The following ASAP1 variants were observed in gnomAD, a reference collection of about 807,000 sequenced individuals.
ASAP1 encodes ArfGAP with SH3 domain, ankyrin repeat and PH domain 1, also known as arf-GAP with SH3 domain, ANK repeat and PH domain-containing protein 1.
ASAP1 carries 43 observed loss-of-function variants against 145.2 expected under a neutral mutation model. The observed-to-expected ratio is 0.30, with a 90% CI of 0.23 to 0.38. The LOEUF (loss-of-function observed/expected upper bound fraction) is 0.38, where lower values mean the gene tolerates loss of function less well. ASAP1 is among the 10% of genes least tolerant of loss of function. The pLI, the probability that ASAP1 is intolerant of heterozygous loss-of-function variation, is 1.00. For missense variants in ASAP1, 1,018 were observed against 1,355.3 expected, an observed-to-expected ratio of 0.75 and a Z score of 3.91; for synonymous variants, 546 against 515.5, an observed-to-expected ratio of 1.06 and a Z score of -0.80.
chr8:130,334,921 A>C (rs993336651), intron 3 of ASAP1, among the ~76,000 whole-genome samples: 4 of 152,200 alleles, frequency 2.6e-5, no homozygotes, highest in African/African-American at 9.7e-5. Flanking sequence ...ATCCAAATAC[A>C]TATCAGACCT....
chr8:130,233,164 T>C (rs538378816), intron 4 of ASAP1, among the ~76,000 whole-genome samples: 12 of 152,328 alleles, frequency 7.9e-5, no homozygotes, highest in African/African-American at 2.9e-4. Flanking sequence ...GACATGACCA[T>C]GGAAACTACT....
At chr8:130,129,887 T>C (rs2097580495) in intron 15 of ASAP1, among the ~76,000 whole-genome samples, 1 of 152,208 alleles carries the variant, frequency 6.6e-6, no homozygotes, top group Non-Finnish European at 1.5e-5. Flanking sequence ...TTATACCTTT[T>C]AGAAGATTAA....
intron 3 of ASAP1, among the ~76,000 whole-genome samples, chr8:130,297,991 C>T (rs1822390798): frequency 6.6e-6 from 1 of 152,146 alleles, no homozygotes; most frequent in African/African-American, 2.4e-5. Flanking sequence ...GGTTCCAGTC[C>T]CAATTCTCTG....
At chr8:130,429,005 T>A (rs1830047315) in intron 1 of ASAP1, among the ~76,000 whole-genome samples, 13 of 152,192 alleles carry the variant, frequency 8.5e-5, no homozygotes, top group Admixed American at 8.5e-4. Context: ...TGGCTTGTGG[T>A]GGTTGCCAGA....
intron 1 of ASAP1, among the ~76,000 whole-genome samples, chr8:130,427,301 C>G (rs1305519787): frequency 6.6e-6 from 1 of 152,180 alleles, no homozygotes; most frequent in African/African-American, 2.4e-5. Flanking sequence ...TGTCTCACCC[C>G]TTCCTCCCAG....
intron 1 of ASAP1, among the ~76,000 whole-genome samples, chr8:130,404,097 A>C (rs1408741426): frequency 1.3e-5 from 2 of 152,212 alleles, no homozygotes; most frequent in African/African-American, 4.8e-5. Flanking sequence ...AATTTTCTTC[A>C]ATTGTAAGCC....
intron 3 of ASAP1, among the ~76,000 whole-genome samples, chr8:130,279,565 G>T (rs1181753376): frequency 2.0e-5 from 3 of 152,198 alleles, no homozygotes; most frequent in Admixed American, 6.5e-5. Flanking sequence ...TCAAATTCCA[G>T]CTTGGGTGCT....
intron 3 of ASAP1, among the ~76,000 whole-genome samples, chr8:130,293,216 C>T (rs188472817): frequency 5.3e-5 from 8 of 152,156 alleles, no homozygotes; most frequent in African/African-American, 1.7e-4. Flanking sequence ...GCAGGTCTGA[C>T]GAGGAGGCTC....
At chr8:130,169,936 G>A (rs1007829965) in intron 9 of ASAP1, among the ~76,000 whole-genome samples, 1 of 152,154 alleles carries the variant, frequency 6.6e-6, no homozygotes, top group African/African-American at 2.4e-5. Context: ...CTTCCACTCA[G>A]GAACCCAGTC....
chr8:130,261,067 A>G (rs1484055716), intron 3 of ASAP1, among the ~76,000 whole-genome samples: 2 of 152,154 alleles, frequency 1.3e-5, no homozygotes, highest in Non-Finnish European at 2.9e-5. Context: ...GTCAATTACT[A>G]GTCACAGACC....
chr8:130,241,450 C>T (rs757434851), intron 3 of ASAP1, among the ~76,000 whole-genome samples: 4 of 152,050 alleles, frequency 2.6e-5, no homozygotes, highest in South Asian at 2.1e-4. Context: ...AGTTCCTAGT[C>T]CTAGTGTCTA....
At chr8:130,131,395 C>G (rs1000019130) in intron 15 of ASAP1, among the ~76,000 whole-genome samples, 3 of 152,030 alleles carry the variant, frequency 2.0e-5, no homozygotes, top group Non-Finnish European at 4.4e-5. Context: ...CCCTCTGAGG[C>G]ATGTGCTTTC....
At chr8:130,150,304 T>C (rs534118243) in intron 13 of ASAP1, among the ~76,000 whole-genome samples, 6 of 152,328 alleles carry the variant, frequency 3.9e-5, no homozygotes, top group African/African-American at 1.4e-4. Flanking sequence ...ACAATGTGTT[T>C]TGGCAGGAAT....
intron 24 of ASAP1, among the ~76,000 whole-genome samples, chr8:130,094,403 T>C (rs1436112900): frequency 6.6e-6 from 1 of 152,040 alleles, no homozygotes; most frequent in Non-Finnish European, 1.5e-5. Context: ...AAATTTTTAG[T>C]AGAGACAGAG....
chr8:130,252,587 G>A (rs977309655), intron 3 of ASAP1, among the ~76,000 whole-genome samples: 2 of 152,114 alleles, frequency 1.3e-5, no homozygotes, highest in African/African-American at 4.8e-5. Flanking sequence ...TAAAAAATTA[G>A]TAGAATATTG....
At position 130,160,978 on chromosome 8, in the gene ASAP1, G is replaced by A. The variant is rs536646152; in HGVS notation, c.910-1014C>T. ...ATTCAGGATAAACTTTGGGTGACAG[G>A]ACAATCAAATGTCTGTATTTATCAG... On this transcript the variant is annotated intron_variant, in intron 11 of 29. Transcript: ENST00000518721. Among the ~76,000 whole-genome samples the A allele has an allele frequency of 5.9e-5, 9 of 152,246 alleles. No homozygotes were observed. The South Asian group carries it at 1.9e-3, about 32-fold the overall frequency.
chr8:130,348,891 A>G (rs972381010), intron 3 of ASAP1, among the ~76,000 whole-genome samples: 16 of 152,356 alleles, frequency 1.1e-4, no homozygotes, highest in African/African-American at 3.8e-4. Flanking sequence ...ACCTGCATTT[A>G]TTATGTAACA....
intron 13 of ASAP1, among the ~76,000 whole-genome samples, chr8:130,151,662 C>T (rs575047069): frequency 9.2e-5 from 14 of 152,198 alleles, no homozygotes; most frequent in Admixed American, 2.0e-4. Context: ...TAAAGGACAA[C>T]AATCTTTAAG....
chr8:130,260,864 T>A (rs1351588091), intron 3 of ASAP1, among the ~76,000 whole-genome samples: 1 of 152,208 alleles, frequency 6.6e-6, no homozygotes, highest in Non-Finnish European at 1.5e-5. Flanking sequence ...AAAGAAGTTT[T>A]ATATTAAAAC....
Sources: gnomAD v4.1 joint callset for allele counts (sites outside exome capture counted in the v4.1 genomes callset) on GRCh38, gnomAD v4.1.1 for gene constraint, MANE v1.5 for transcripts, NCBI Gene and HGNC (gene_info 2026-07-23, HGNC 2026-07-21) for gene names.